Variants in AGBL4 observed in about 807,000 individuals in gnomAD.
The protein encoded by AGBL4 is AGBL carboxypeptidase 4.
In AGBL4, 58 loss-of-function variants were observed where a neutral mutation model predicts 66.4. The observed-to-expected ratio is 0.87, with a 90% confidence interval of 0.71 to 1.09. AGBL4 has a LOEUF of 1.09. Ranked by LOEUF, AGBL4 falls within the 50% of genes least tolerant of loss-of-function variation. AGBL4 has a pLI of 0.00. For synonymous variants in AGBL4, 234 were observed against 222.9 expected, an observed-to-expected ratio of 1.05 and a Z score of -0.44; for missense variants, 579 against 631.0, an observed-to-expected ratio of 0.92 and a Z score of 0.88.
At chr1:49,141,405 AT>A (rs902218288) in intron 4 of AGBL4, among the ~76,000 whole-genome samples, 6 of 152,154 alleles carry the variant, frequency 3.9e-5, no homozygotes, top group African/African-American at 1.4e-4. Context: ...GTCAGGCCCT[AT>A]TCTAAAAACT....
chr1:49,341,097 C>G (rs897942273), intron 3 of AGBL4, among the ~76,000 whole-genome samples: 2 of 152,140 alleles, frequency 1.3e-5, no homozygotes, highest in East Asian at 1.9e-4. Flanking sequence ...ATGCCCTAAT[C>G]TATGTATTGA....
intron 6 of AGBL4, among the ~76,000 whole-genome samples, chr1:48,806,399 T>C (rs1344701064): frequency 2.0e-5 from 3 of 152,188 alleles, no homozygotes; most frequent in African/African-American, 7.2e-5. Flanking sequence ...TCACCACTTT[T>C]CAAAGCCACT....
intron 3 of AGBL4, among the ~76,000 whole-genome samples, chr1:49,660,035 GC>G (rs2124486758): frequency 6.6e-6 from 1 of 152,138 alleles, no homozygotes; most frequent in East Asian, 1.9e-4. Flanking sequence ...CAGGGAATAG[GC>G]ATAAGCAAAG....
At chr1:48,565,586 G>A (rs929979929) in intron 11 of AGBL4, among the ~76,000 whole-genome samples, 1 of 152,086 alleles carries the variant, frequency 6.6e-6, no homozygotes, top group Admixed American at 6.5e-5. Context: ...CAAGCATCCA[G>A]GGTCCCTCCC....
intron 8 of AGBL4, among the ~76,000 whole-genome samples, chr1:48,644,345 C>A (rs1645802573): frequency 6.6e-6 from 1 of 152,158 alleles, no homozygotes; most frequent in Non-Finnish European, 1.5e-5. Flanking sequence ...CTATCCCAAC[C>A]CTCTTGGCTG....
intron 3 of AGBL4, among the ~76,000 whole-genome samples, chr1:49,659,520 T>G (rs1207804809): frequency 6.6e-6 from 1 of 152,100 alleles, no homozygotes; most frequent in African/African-American, 2.4e-5. Context: ...CAAAACAGAC[T>G]TTAAACCAAC....
intron 3 of AGBL4, among the ~76,000 whole-genome samples, chr1:49,528,362 C>A (rs1235238620): frequency 6.6e-6 from 1 of 151,908 alleles, no homozygotes; most frequent in East Asian, 1.9e-4. Context: ...CACTTACAAG[C>A]AAAGAATCCT....
chr1:49,118,548 T>A (rs998196442), intron 4 of AGBL4, among the ~76,000 whole-genome samples: 2 of 152,200 alleles, frequency 1.3e-5, no homozygotes, highest in East Asian at 3.8e-4. Context: ...GGGATGAAGC[T>A]GACTTGATTG....
chr1:49,940,085 A>G (rs1654581026), intron 1 of AGBL4, among the ~76,000 whole-genome samples: 2 of 152,244 alleles, frequency 1.3e-5, no homozygotes, highest in African/African-American at 2.4e-5. Flanking sequence ...TATGCAGCCA[A>G]CAGACACATG....
At chr1:48,656,839 G>A (rs1040546713) in intron 7 of AGBL4, among the ~76,000 whole-genome samples, 1 of 152,126 alleles carries the variant, frequency 6.6e-6, no homozygotes, top group African/African-American at 2.4e-5. Flanking sequence ...GAGGGAAGAG[G>A]CAAGGGCTGA....
chr1:49,039,071 C>T (rs1664891698), intron 5 of AGBL4, among the ~76,000 whole-genome samples: 1 of 151,862 alleles, frequency 6.6e-6, no homozygotes, highest in East Asian at 1.9e-4. Flanking sequence ...GTGCATGTCA[C>T]GAAGCGAAAG....
intron 4 of AGBL4, among the ~76,000 whole-genome samples, chr1:49,101,878 G>A (rs1645209035): frequency 6.6e-6 from 1 of 152,152 alleles, no homozygotes; most frequent in African/African-American, 2.4e-5. Flanking sequence ...CCCCGTGAGA[G>A]GACACAGAAG....
chr1:49,203,088 CA>C (rs139732827), intron 4 of AGBL4, among the ~76,000 whole-genome samples: 57 of 135,854 alleles, frequency 4.2e-4, no homozygotes, highest in East Asian at 1.1e-3. Flanking sequence ...TGGCTACTAT[CA>C]AAAAAAAAAA....
chr1:48,801,635 T>C lies in AGBL4; in HGVS notation c.634+65556A>G, dbSNP rs1645810545. Among the ~76,000 whole-genome samples, 3 of 152,218 alleles carry C rather than the reference T, an allele frequency of 2.0e-5. No individual in the cohort carries two copies. In the South Asian group the frequency reaches 6.2e-4, roughly 32 times the overall value. ...TTCTTCTGTGTTCTGGATTTTCAGG[T>C]TCCCCAGTGGGGATGTGTGTTTATA... On this transcript the variant is annotated intron_variant, in intron 6 of 13. Transcript: ENST00000371839.
intron 1 of AGBL4, among the ~76,000 whole-genome samples, chr1:49,852,589 T>C (rs1055450453): frequency 6.6e-6 from 1 of 151,930 alleles, no homozygotes; most frequent in Non-Finnish European, 1.5e-5. Flanking sequence ...AAAAACAGCC[T>C]TACACGACTA....
At chr1:49,646,183 C>T (rs1025802917) in intron 3 of AGBL4, among the ~76,000 whole-genome samples, 2 of 151,458 alleles carry the variant, frequency 1.3e-5, no homozygotes, top group Non-Finnish European at 3.0e-5. Flanking sequence ...GTGAAATAGG[C>T]AAAACAAGTA....
chr1:49,582,090 A>G (rs1644553541), intron 3 of AGBL4, among the ~76,000 whole-genome samples: 1 of 152,176 alleles, frequency 6.6e-6, no homozygotes, highest in Non-Finnish European at 1.5e-5. Context: ...TCCCCAGGAC[A>G]AGTCCTTAGG....
chr1:49,198,550 G>A (rs1184987363), intron 4 of AGBL4, among the ~76,000 whole-genome samples: 1 of 151,982 alleles, frequency 6.6e-6, no homozygotes, highest in Non-Finnish European at 1.5e-5. Flanking sequence ...ATGTTGGCCA[G>A]GCTGGTCTAG....
intron 1 of AGBL4, among the ~76,000 whole-genome samples, chr1:50,011,515 G>A (rs999457044): frequency 2.0e-5 from 3 of 152,186 alleles, no homozygotes; most frequent in African/African-American, 7.2e-5. Flanking sequence ...CTATGATCCA[G>A]CAATCTCACT....
Sources: gnomAD v4.1 joint callset for allele counts (sites outside exome capture counted in the v4.1 genomes callset) on GRCh38, gnomAD v4.1.1 for gene constraint, MANE v1.5 for transcripts, NCBI Gene and HGNC (gene_info 2026-07-23, HGNC 2026-07-21) for gene names.